Variants in NR3C1 observed in about 807,000 individuals in gnomAD.
NR3C1 encodes the protein glucocorticoid receptor.
In NR3C1, 14 loss-of-function variants were observed where a neutral mutation model predicts 74.0. That is an observed-to-expected ratio of 0.19 (90% CI 0.12 to 0.30). The LOEUF (loss-of-function observed/expected upper bound fraction) is 0.30, where lower values mean the gene tolerates loss of function less well. NR3C1 is among the 10% of genes least tolerant of loss of function. The pLI, the probability that NR3C1 is intolerant of heterozygous loss-of-function variation, is 1.00. For synonymous variants in NR3C1, 308 were observed against 332.5 expected (o/e 0.93, Z 0.80); for missense variants, 695 against 909.8 (o/e 0.76, Z 3.04).
At chr5:143,419,254 A>G (rs1751089183) in intron 1 of NR3C1, among the ~76,000 whole-genome samples, 1 of 152,190 alleles carries the variant, frequency 6.6e-6, no homozygotes, top group South Asian at 2.1e-4. Flanking sequence ...CACCAACAAC[A>G]TGCTGTTATA....
intron 1 of NR3C1, among the ~76,000 whole-genome samples, chr5:143,422,294 G>A (rs1402403977): frequency 2.0e-5 from 3 of 152,192 alleles, no homozygotes; most frequent in Admixed American, 6.5e-5. Context: ...CTTGATTTTA[G>A]TGTTTATTTG....
At chr5:143,335,568 C>G (rs1277404753) in intron 2 of NR3C1, among the ~76,000 whole-genome samples, 1 of 152,170 alleles carries the variant, frequency 6.6e-6, no homozygotes, top group Non-Finnish European at 1.5e-5. Flanking sequence ...GCAAACACTT[C>G]CATATATAGC....
chr5:143,391,378 G>A (rs1838192494), intron 2 of NR3C1, among the ~76,000 whole-genome samples: 1 of 151,780 alleles, frequency 6.6e-6, no homozygotes, highest in Non-Finnish European at 1.5e-5. Context: ...GATAAATTTT[G>A]GTATTCAATA....
At chr5:143,429,969 T>C (rs1398401223) in intron 1 of NR3C1, among the ~76,000 whole-genome samples, 1 of 151,506 alleles carries the variant, frequency 6.6e-6, no homozygotes, top group Middle Eastern at 3.2e-3. Flanking sequence ...GTAATCCCTG[T>C]TACTCGGGAG....
intron 2 of NR3C1, among the ~76,000 whole-genome samples, chr5:143,368,497 A>C (rs1338748350): frequency 6.6e-6 from 1 of 151,882 alleles, no homozygotes; most frequent in Non-Finnish European, 1.5e-5. Flanking sequence ...TAGTGTTTAG[A>C]ATATATCTGC....
intron 2 of NR3C1, among the ~76,000 whole-genome samples, chr5:143,379,887 A>G (rs1188172144): frequency 6.6e-6 from 1 of 152,242 alleles, no homozygotes; most frequent in East Asian, 1.9e-4. Flanking sequence ...AGACTCATGA[A>G]GAATAATAAA....
chr5:143,397,415 A>C (rs971043197), intron 2 of NR3C1, among the ~76,000 whole-genome samples: 4 of 151,882 alleles, frequency 2.6e-5, no homozygotes, highest in Admixed American at 1.3e-4. Flanking sequence ...TAGAGAAGAG[A>C]AAGCAACTAA....
chr5:143,426,284 GC>G (rs1412466369), intron 1 of NR3C1, among the ~76,000 whole-genome samples: 3 of 152,166 alleles, frequency 2.0e-5, no homozygotes, highest in African/African-American at 7.2e-5. Context: ...TGATGGATAT[GC>G]TTTGAAATTT....
At chr5:143,433,462 A>ATATAATTTATTTATTTAATTTT (rs1422510030) in intron 1 of NR3C1, among the ~76,000 whole-genome samples, 1 of 146,506 alleles carries the variant, frequency 6.8e-6, no homozygotes, top group African/African-American at 2.5e-5. Context: ...TTATATATAT[A>ATATAATTTATTTATTTAATTTT]TATATATATT....
rs1345877156 is a variant in NR3C1, at chr5:143,300,163, G to A, written c.1747+322C>T. ...AGTGGCACAATGAAGGAAAACAAAT[G>A]GAATTAACTAAAAACATTTTCTTTC... is the stretch of plus-strand genomic sequence containing the variant. On this transcript the variant is annotated intron_variant, in intron 5 of 8. Coordinates refer to ENST00000394464, the MANE Select transcript of NR3C1 (RefSeq NM_000176.3). This position sits in a 1 kb window ranked among gnomAD's most constrained non-coding sequence, Gnocchi z 5.2. 2.0e-5 allele frequency among the ~76,000 whole-genome samples: 3 copies of A among 152,048 alleles called. No individual in the cohort carries two copies. The highest frequency in any genetic ancestry group is 4.4e-5 in the Non-Finnish European group (3 of 68,000).
intron 1 of NR3C1, among the ~76,000 whole-genome samples, chr5:143,410,191 A>G (rs1385825823): frequency 6.6e-6 from 1 of 152,010 alleles, no homozygotes; most frequent in Non-Finnish European, 1.5e-5. Flanking sequence ...TCTTGATTTA[A>G]TCTCCTTTTC....
chr5:143,279,080 C>T lies in NR3C1; in HGVS notation c.*2809G>A, dbSNP rs545850451. Reference sequence around the variant, plus strand: ...CTCTCACTGAAGTTACTACAAACTTCAACAGTTTGGGTTGGGATGGCCAGA... The same window carrying T: ...CTCTCACTGAAGTTACTACAAACTTTAACAGTTTGGGTTGGGATGGCCAGA... On this transcript the variant is annotated 3_prime_UTR_variant, in exon 9 of 9. Coordinates refer to ENST00000394464, the MANE Select transcript of NR3C1 (RefSeq NM_000176.3). The T allele has an allele frequency of 4.9e-5, 20 of 407,200 alleles. No homozygotes were observed. Among genetic ancestry groups the T allele is most frequent in the African/African-American group, 4.3e-4 (20 of 47,040 alleles). 25.2% of individuals were successfully genotyped at this position (407,200 alleles called of 1,614,324 possible).
chr5:143,357,423 C>G (rs577704997), intron 2 of NR3C1, among the ~76,000 whole-genome samples: 1 of 152,230 alleles, frequency 6.6e-6, no homozygotes, highest in East Asian at 1.9e-4. Flanking sequence ...CATGAGAAAG[C>G]TGAAATTGGA....
At chr5:143,374,957 G>C (rs1834913424) in intron 2 of NR3C1, among the ~76,000 whole-genome samples, 1 of 151,862 alleles carries the variant, frequency 6.6e-6, no homozygotes, top group African/African-American at 2.4e-5. Flanking sequence ...ACCATGAAGT[G>C]ATGAAAACCA....
intron 2 of NR3C1, among the ~76,000 whole-genome samples, chr5:143,376,736 G>C (rs1408552805): frequency 6.6e-6 from 1 of 152,100 alleles, no homozygotes; most frequent in Non-Finnish European, 1.5e-5. Context: ...TCTTAAATGG[G>C]GGTAAGAGCA....
chr5:143,321,136 T>C (rs1823278638), intron 2 of NR3C1, among the ~76,000 whole-genome samples: 1 of 152,208 alleles, frequency 6.6e-6, no homozygotes, highest in Non-Finnish European at 1.5e-5. Context: ...ATTAGGAACA[T>C]GATGTCTTCA....
rs371512572 is a variant in NR3C1, at chr5:143,282,777, CTTTTTTTTT to C, written c.2024-61_2024-53del. The C allele has an allele frequency of 2.3e-6, 3 of 1,326,264 alleles. No individual in the cohort carries two copies. The African/African-American group carries it at 4.8e-5, about 21-fold the overall frequency. The allele number at this position is 1,326,264 out of a possible 1,614,324, so 82.2% of individuals were successfully genotyped here. On this transcript the variant is annotated intron_variant, in intron 7 of 8. Coordinates refer to ENST00000394464, the MANE Select transcript of NR3C1 (RefSeq NM_000176.3). Reference sequence around the variant, plus strand: ...AAGGATTTTCTTTTTCTTTTCTTTTCTTTTTTTTTTTTTTTTGAGATAGATAGGGTCTCA... The same window carrying C: ...AAGGATTTTCTTTTTCTTTTCTTTTCTTTTTTTGAGATAGATAGGGTCTCA...
Position 143,403,423 on chromosome 5 carries a change from G to A in NR3C1, c.-226C>T, listed in dbSNP as rs1365223436. On this transcript the variant is annotated 5_prime_UTR_variant, in exon 1 of 9. Transcript: ENST00000394464. ...TGCCCAGCTGACAAGCCAGCCCTCC[G>A]CCCCGCGCCGGGCTCCGCGGGTCGA... The A allele has an allele frequency of 3.1e-6, 3 of 972,086 alleles. No individual in the cohort carries two copies. The African/African-American group carries it at 5.7e-5, about 18-fold the overall frequency. The allele number at this position is 972,086 out of a possible 1,614,324, so 60.2% of individuals were successfully genotyped here. A position where few individuals can be genotyped will look rare whatever the true frequency, so the allele number is the denominator to read the frequency against.
At chr5:143,403,964 G>A, upstream of NR3C1, 1 of 985,244 alleles carries the variant, frequency 1.0e-6, no homozygotes, top group African/African-American at 1.7e-5. Context: ...AAAGGGTGGC[G>A]GCGGCAGCGG....
Sources: allele counts gnomAD v4.1 joint callset (sites outside exome capture counted in the v4.1 genomes callset), GRCh38; gene constraint gnomAD v4.1.1; non-coding constraint Gnocchi (gnomAD v3.1); transcripts MANE v1.5; gene names NCBI Gene and HGNC (gene_info 2026-07-23, HGNC 2026-07-21).